NADSYN1: variants seen among roughly 807,000 people sequenced by gnomAD.
The protein encoded by NADSYN1 is NAD synthetase 1, also known as glutamine-dependent NAD(+) synthetase.
A neutral mutation model predicts 99.3 loss-of-function variants in NADSYN1; 80 were observed. The observed-to-expected ratio is 0.81, with a 90% CI of 0.67 to 0.97. NADSYN1 has a LOEUF of 0.97. NADSYN1 is among the 50% of genes least tolerant of loss of function. The pLI is 0.00. For missense variants in NADSYN1, 859 were observed against 948.5 expected (o/e 0.91, Z 1.24); for synonymous variants, 385 against 372.1 (o/e 1.03, Z -0.40).
chr11:71,459,314 G>C (rs563603456), intron 3 of NADSYN1, among the ~76,000 whole-genome samples: 1 of 149,394 alleles, frequency 6.7e-6, no homozygotes. Flanking sequence ...CTGTGCTGGC[G>C]TCTGTGCTGT....
chr11:71,461,845 C>T (rs1949552984), intron 3 of NADSYN1, among the ~76,000 whole-genome samples: 1 of 152,200 alleles, frequency 6.6e-6, no homozygotes, highest in Admixed American at 6.5e-5. Context: ...CCAGGCCCCA[C>T]CTCCAATGCT....
At chr11:71,493,391 C>A (rs1949797023) in intron 18 of NADSYN1, among the ~76,000 whole-genome samples, 1 of 152,032 alleles carries the variant, frequency 6.6e-6, no homozygotes, top group Non-Finnish European at 1.5e-5. Flanking sequence ...ATATACCCTG[C>A]ACCTTGTTGA....
Position 71,455,340 on chromosome 11 carries a change from A to T in NADSYN1, c.146+170A>T, listed in dbSNP as rs949291729. Reference sequence around the variant, plus strand: ...TGAACACCTGAGCAAGGGCAGGCCCAGGGAGGCTGAATAAGTCTAGATTCC... The same window carrying T: ...TGAACACCTGAGCAAGGGCAGGCCCTGGGAGGCTGAATAAGTCTAGATTCC... On this transcript the variant is annotated intron_variant, in intron 2 of 20. Transcript: ENST00000319023. The T allele has an allele frequency of 5.3e-6, 3 of 564,330 alleles. No homozygotes were observed. In the African/African-American group the frequency reaches 5.6e-5, roughly 11 times the overall value. The allele number at this position is 564,330 out of a possible 1,614,324, so 35.0% of individuals were successfully genotyped here. A position where few individuals can be genotyped will look rare whatever the true frequency, so the allele number is the denominator to read the frequency against.
At chr11:71,453,839 C>T (rs1050190143) in intron 1 of NADSYN1, among the ~76,000 whole-genome samples, 3 of 152,076 alleles carry the variant, frequency 2.0e-5, no homozygotes, top group Non-Finnish European at 2.9e-5. Flanking sequence ...TAGAAAAAGA[C>T]GCCTGTCATC....
chr11:71,484,971 GC>G (rs768841101), intron 15 of NADSYN1: 6 of 174,960 alleles, frequency 3.4e-5, no homozygotes, highest in Non-Finnish European at 5.0e-5. Flanking sequence ...ATGCCTGTGA[GC>G]ATGTGGGTGG....
intron 14 of NADSYN1, 60 bp from the exon 15 acceptor site, chr11:71,484,252 G>A (rs1949727202): frequency 4.4e-6 from 7 of 1,585,412 alleles, no homozygotes; most frequent in Non-Finnish European, 6.0e-6. Context: ...CACCGCTCAT[G>A]CGCACACACA....
At position 71,481,507 on chromosome 11, in the gene NADSYN1, A is replaced by G. The variant is rs1949707802; in HGVS notation, c.1047+103A>G. ...GATTTTTTTTTTTTTTTTTAGTGCA[A>G]ACAACAAAAAGCATTTCATCACTCT... On this transcript the variant is annotated intron_variant, in intron 12 of 20. Transcript: ENST00000319023. 3.6e-5 allele frequency: 42 copies of G among 1,153,300 alleles called. 1 individual carries two copies. In the South Asian group the frequency reaches 5.6e-4, roughly 15 times the overall value. 71.4% of individuals were successfully genotyped at this position (1,153,300 alleles called of 1,614,324 possible).
chr11:71,460,979 A>G (rs866233947), intron 3 of NADSYN1: 5 of 152,342 alleles, frequency 3.3e-5, no homozygotes, highest in Middle Eastern at 3.4e-3. Context: ...TTGCTCACTT[A>G]CTGAGTTGAA....
chr11:71,464,175 G>C (rs775955488), intron 5 of NADSYN1, 33 bp downstream of exon 5: 1 of 1,534,506 alleles, frequency 6.5e-7, no homozygotes, highest in Non-Finnish European at 8.9e-7. Flanking sequence ...CCTGGGATGT[G>C]CGTTAAGCAC....
Position 71,463,492 on chromosome 11 carries a change from C to T in NADSYN1, c.317+7C>T. On this transcript the variant is annotated splice_region_variant and intron_variant, in intron 4 of 20. Transcript: ENST00000319023. Reference sequence around the variant, plus strand: ...GAGTGATATTCCTCAACAGGTAGGCCCCCTGCCCCCACCCCGGGAGGGTGA... The same window carrying T: ...GAGTGATATTCCTCAACAGGTAGGCTCCCTGCCCCCACCCCGGGAGGGTGA... 3 of 1,613,424 alleles carry T rather than the reference C, an allele frequency of 1.9e-6. No individual in the cohort carries two copies. Among genetic ancestry groups the T allele is most frequent in the Non-Finnish European group, 1.7e-6 (2 of 1,179,480 alleles).
intron 8 of NADSYN1, among the ~76,000 whole-genome samples, chr11:71,474,073 G>A (rs993782423): frequency 6.6e-6 from 1 of 152,264 alleles, no homozygotes; most frequent in African/African-American, 2.4e-5. Context: ...GCTGAGCCGC[G>A]TTTGAGTCTT....
intron 9 of NADSYN1, chr11:71,474,752 G>T: frequency 1.9e-6 from 1 of 520,346 alleles, no homozygotes; most frequent in Non-Finnish European, 3.5e-6. Flanking sequence ...TAAGCCGGGT[G>T]CTTAGTGAGG....
At chr11:71,464,017 A>C in intron 4 of NADSYN1, 36 bp from the exon 5 acceptor site, 1 of 1,541,192 alleles carries the variant, frequency 6.5e-7, no homozygotes, top group South Asian at 1.2e-5. Flanking sequence ...TCATCTCAGG[A>C]GCCCGGTGTG....
At position 71,498,491 on chromosome 11, in the gene NADSYN1, C is replaced by T. The variant is rs1444089259; in HGVS notation, c.2033C>T (p.Thr678Ile). 1.2e-6 allele frequency: 2 copies of T among 1,614,106 alleles called. No individual in the cohort carries two copies. The highest frequency in any genetic ancestry group is 8.5e-7 in the Non-Finnish European group (1 of 1,180,042). The change falls in exon 20 of 21, where the codon ACA becomes ATA. Residue 678 changes from threonine to isoleucine, a missense_variant. Coordinates refer to ENST00000319023, the MANE Select transcript of NADSYN1 (RefSeq NM_018161.5). Reference sequence around the variant, plus strand: ...GATCTGCGACCATTTCTGTACAACACAAGCTGGCCTTGGCAGTTTCGGTGC... The same window carrying T: ...GATCTGCGACCATTTCTGTACAACATAAGCTGGCCTTGGCAGTTTCGGTGC... ...RFDLRPFLYN[T>I]SWPWQFRCIE... is the part of the protein sequence containing the mutation.
chr11:71,485,575 G>C lies in NADSYN1; in HGVS notation c.1489G>C (p.Ala497Pro). ...ACGGATGGTCCTCGCCTATCTGTTT[G>C]CTCAGTTGAGCCTCTGGTCTCGGGG... is the stretch of plus-strand genomic sequence containing the variant. Reference protein sequence around the residue: ...RIRMVLAYLFAQLSLWSRGVH... With the variant: ...RIRMVLAYLFPQLSLWSRGVH... Residue 497 changes from alanine to proline, a missense_variant, in exon 16 of 21, where the codon GCT (alanine) becomes CCT (proline). Transcript: ENST00000319023. 6.4e-7 allele frequency: 1 copy of C among 1,562,152 alleles called. No individual in the cohort carries two copies.
At chr11:71,498,127 T>TTTCATAGCATCAGAGGC (rs1949832501) in intron 19 of NADSYN1, among the ~76,000 whole-genome samples, 2 of 151,802 alleles carry the variant, frequency 1.3e-5, no homozygotes, top group African/African-American at 2.4e-5. Flanking sequence ...GCATCAGAGG[T>TTTCATAGCATCAGAGGC]GGGGGACCCC....
At chr11:71,486,846 C>A (rs1201359297) in intron 16 of NADSYN1, among the ~76,000 whole-genome samples, 2 of 138,766 alleles carry the variant, frequency 1.4e-5, no homozygotes, top group African/African-American at 5.4e-5. Flanking sequence ...CGCTTTGTCA[C>A]CCAGGCTGGA....
intron 18 of NADSYN1, among the ~76,000 whole-genome samples, chr11:71,492,153 G>A (rs147024791): frequency 3.3e-5 from 5 of 152,300 alleles, no homozygotes; most frequent in South Asian, 2.1e-4. Flanking sequence ...GATGGCGGGC[G>A]GAGGAACGCA....
At chr11:71,467,225 A>G (rs1307188614) in intron 5 of NADSYN1, among the ~76,000 whole-genome samples, 1 of 152,196 alleles carries the variant, frequency 6.6e-6, no homozygotes, top group African/African-American at 2.4e-5. Flanking sequence ...TGGACCCAAG[A>G]TGAGTTCAGG....
Sources: allele counts gnomAD v4.1 joint callset (sites outside exome capture counted in the v4.1 genomes callset), GRCh38; gene constraint gnomAD v4.1.1; transcripts MANE v1.5; gene names NCBI Gene and HGNC (gene_info 2026-07-23, HGNC 2026-07-21).